Variants in RIMKLA observed in about 807,000 individuals in gnomAD.
RIMKLA encodes ribosomal modification protein rimK like family member A.
In RIMKLA, 14 loss-of-function variants were observed where a neutral mutation model predicts 32.7. That is an observed-to-expected ratio of 0.43 (90% CI 0.28 to 0.67). The LOEUF (loss-of-function observed/expected upper bound fraction) is 0.67, where lower values mean the gene tolerates loss of function less well. Ranked by LOEUF, RIMKLA falls within the 30% of genes least tolerant of loss-of-function variation. The pLI, the probability that RIMKLA is intolerant of heterozygous loss-of-function variation, is 0.18. For missense variants in RIMKLA, 410 were observed against 519.0 expected, an observed-to-expected ratio of 0.79 and a Z score of 2.04; for synonymous variants, 176 against 204.1, an observed-to-expected ratio of 0.86 and a Z score of 1.18.
intron 1 of RIMKLA, among the ~76,000 whole-genome samples, chr1:42,381,784 G>C (rs906855988): frequency 3.9e-5 from 6 of 152,182 alleles, no homozygotes; most frequent in Non-Finnish European, 8.8e-5. Context: ...TTGTGGGTAA[G>C]ACATGGTTGT....
chr1:42,406,037 G>C (rs1570326392), intron 3 of RIMKLA, among the ~76,000 whole-genome samples: 1 of 152,138 alleles, frequency 6.6e-6, no homozygotes, highest in African/African-American at 2.4e-5. Flanking sequence ...CATTTTTATT[G>C]TGGTAAAATA....
intron 1 of RIMKLA, among the ~76,000 whole-genome samples, chr1:42,385,729 TTC>T (rs1642930731): frequency 1.5e-5 from 1 of 65,884 alleles, no homozygotes; most frequent in Non-Finnish European, 2.9e-5. Context: ...CTTTCTTTCT[TTC>T]TTTCTTTCTT....
Position 42,415,901 on chromosome 1 carries a change from C to G in RIMKLA, c.*927C>G, listed in dbSNP as rs188827774. 6.6e-6 allele frequency: 1 copy of G among 152,284 alleles called. No individual in the cohort carries two copies. The highest frequency in any genetic ancestry group is 1.9e-4 in the East Asian group (1 of 5,184). 9.4% of individuals were successfully genotyped at this position (152,284 alleles called of 1,614,324 possible). A position where few individuals can be genotyped will look rare whatever the true frequency, so the allele number is the denominator to read the frequency against. On this transcript the variant is annotated 3_prime_UTR_variant, in exon 5 of 5. Coordinates refer to ENST00000431473, the MANE Select transcript of RIMKLA (RefSeq NM_173642.4). ...CCCTCCTCTACTGAAACTTTGTGTA[C>G]TGCTTAGCTGTAGGGGGTTTTCTTG...
intron 2 of RIMKLA, among the ~76,000 whole-genome samples, chr1:42,403,705 C>T (rs1643120103): frequency 6.6e-6 from 1 of 152,218 alleles, no homozygotes; most frequent in Non-Finnish European, 1.5e-5. Flanking sequence ...AACTGAGCAG[C>T]TTCAAATGAT....
At chr1:42,405,802 G>T (rs1224215510) in intron 3 of RIMKLA, among the ~76,000 whole-genome samples, 1 of 152,222 alleles carries the variant, frequency 6.6e-6, no homozygotes, top group Non-Finnish European at 1.5e-5. Context: ...GGACAATTCT[G>T]CCATGAAGTC....
intron 2 of RIMKLA, among the ~76,000 whole-genome samples, chr1:42,400,373 T>C (rs1310735499): frequency 6.6e-6 from 1 of 152,156 alleles, no homozygotes; most frequent in African/African-American, 2.4e-5. Context: ...TCACTTTGGC[T>C]ATACTGTGGA....
At chr1:42,401,896 G>A (rs779498532) in intron 2 of RIMKLA, among the ~76,000 whole-genome samples, 1 of 152,172 alleles carries the variant, frequency 6.6e-6, no homozygotes, top group Non-Finnish European at 1.5e-5. Flanking sequence ...TAGAGAGGGT[G>A]CAAAATCCCT....
chr1:42,410,055 C>T lies in RIMKLA; in HGVS notation c.553C>T (p.Pro185Ser). ...CTGCCATCTGATCCGCCACGATGTG[C>T]CCTACCTGTTCCAGAAGTACGTGAA... Reference protein sequence around the residue: ...DICHLIRHDVPYLFQKYVKES... With the variant: ...DICHLIRHDVSYLFQKYVKES... The change falls in exon 4 of 5, where the codon CCC becomes TCC. Residue 185 changes from proline to serine, a missense_variant. By Grantham distance (74) the Pro-to-Ser change is moderately conservative. Transcript: ENST00000431473. 1 of 1,614,152 alleles carries T rather than the reference C, an allele frequency of 6.2e-7. No homozygotes were observed. The highest frequency in any genetic ancestry group is 8.5e-7 in the Non-Finnish European group (1 of 1,179,980).
At chr1:42,387,375 C>A (rs2148383893) in intron 1 of RIMKLA, among the ~76,000 whole-genome samples, 1 of 150,208 alleles carries the variant, frequency 6.7e-6, no homozygotes, top group South Asian at 2.1e-4. Flanking sequence ...CCAGCCTGGG[C>A]AATAGAGCGA....
chr1:42,393,428 T>C (rs1409028443), intron 1 of RIMKLA, among the ~76,000 whole-genome samples: 3 of 152,212 alleles, frequency 2.0e-5, no homozygotes, highest in Non-Finnish European at 2.9e-5. Context: ...TCCTGCTTAG[T>C]AGTGTGTCTG....
chr1:42,412,423 C>T, intron 4 of RIMKLA: 2 of 274,914 alleles, frequency 7.3e-6, no homozygotes, highest in South Asian at 3.5e-5. Flanking sequence ...CAGGATTTTC[C>T]CACCTGTGTA....
intron 1 of RIMKLA, among the ~76,000 whole-genome samples, chr1:42,385,752 TTTC>T (rs1324146450): frequency 2.4e-5 from 3 of 124,718 alleles, no homozygotes; most frequent in Non-Finnish European, 4.7e-5. Flanking sequence ...TCTTTCTTTC[TTTC>T]TTTCTTTCTT....
In RIMKLA at chr1:42,381,091, C is replaced by T; in HGVS notation, c.157C>T (p.His53Tyr). The change falls in exon 1 of 5, where the codon CAC becomes TAC. Residue 53 changes from histidine (H) to tyrosine (Y), a missense_variant. Physicochemically the swap from His to Tyr is moderately conservative, Grantham distance 83. Transcript: ENST00000431473. ...GATCGCCGTCACCATCGTCGGCGGC[C>T]ACCTCGGTGAGCGAGGCGGGCCCGG... Reference protein sequence around the residue: ...DQIAVTIVGGHLGLQLNQKAL... With the variant: ...DQIAVTIVGGYLGLQLNQKAL... 3 of 1,255,744 alleles carry T rather than the reference C, an allele frequency of 2.4e-6. No individual in the cohort carries two copies. Among genetic ancestry groups the T allele is most frequent in the South Asian group, 3.0e-5 (1 of 32,968 alleles). 77.8% of individuals were successfully genotyped at this position (1,255,744 alleles called of 1,614,324 possible).
chr1:42,390,651 A>C (rs1340398051), intron 1 of RIMKLA, among the ~76,000 whole-genome samples: 1 of 152,204 alleles, frequency 6.6e-6, no homozygotes, highest in Admixed American at 6.5e-5. Flanking sequence ...TCACATTGAA[A>C]TAGGAAGAAT....
chr1:42,395,847 A>G (rs1643039177), intron 1 of RIMKLA, among the ~76,000 whole-genome samples: 1 of 152,178 alleles, frequency 6.6e-6, no homozygotes, highest in African/African-American at 2.4e-5. Context: ...CTCCCACTGA[A>G]GCCACATGAG....
At chr1:42,402,570 G>GA (rs1209204932) in intron 2 of RIMKLA, among the ~76,000 whole-genome samples, 1 of 149,330 alleles carries the variant, frequency 6.7e-6, no homozygotes, top group African/African-American at 2.5e-5. Flanking sequence ...ACAGCCACCA[G>GA]AAAGGAATCC....
intron 1 of RIMKLA, among the ~76,000 whole-genome samples, chr1:42,394,400 C>A (rs556766951): frequency 4.6e-5 from 7 of 152,314 alleles, no homozygotes; most frequent in African/African-American, 9.6e-5. Flanking sequence ...CATTATGTAT[C>A]GGCTTTGTGT....
In RIMKLA at chr1:42,418,039, C is replaced by T. The variant is rs768387259; in HGVS notation, c.*3065C>T. The T allele has an allele frequency of 1.3e-5, 2 of 152,090 alleles. No individual in the cohort carries two copies. Among genetic ancestry groups the T allele is most frequent in the Non-Finnish European group, 2.9e-5 (2 of 68,058 alleles). The allele number at this position is 152,090 out of a possible 1,614,324, so 9.4% of individuals were successfully genotyped here. A position where few individuals can be genotyped will look rare whatever the true frequency, so the allele number is the denominator to read the frequency against. ...GCTTCTCAGAGGCCTCACTTCCAGC[C>T]AGGGAAACTTAAGACCTGAAAGGAA... On this transcript the variant is annotated 3_prime_UTR_variant, in exon 5 of 5. Coordinates refer to ENST00000431473, the MANE Select transcript of RIMKLA (RefSeq NM_173642.4).
intron 1 of RIMKLA, among the ~76,000 whole-genome samples, chr1:42,383,870 T>C (rs1642912098): frequency 6.6e-6 from 1 of 152,238 alleles, no homozygotes; most frequent in Non-Finnish European, 1.5e-5. Flanking sequence ...GTCTGCAGCC[T>C]ATAGTACCTT....
Sources: allele counts gnomAD v4.1 joint callset (sites outside exome capture counted in the v4.1 genomes callset), GRCh38; gene constraint gnomAD v4.1.1; transcripts MANE v1.5; gene names NCBI Gene and HGNC (gene_info 2026-07-23, HGNC 2026-07-21).